Variants in ADGB observed in about 807,000 individuals in gnomAD.
The protein encoded by ADGB is androglobin, also known as calpain-7-like protein.
In ADGB, 172 loss-of-function variants were observed where a neutral mutation model predicts 210.5. The observed-to-expected ratio is 0.82, with a 90% CI of 0.72 to 0.93. ADGB has a LOEUF of 0.93. Among genes scored for constraint, ADGB ranks in the 40% least tolerant of loss-of-function variants. ADGB has a pLI of 0.00. For missense variants in ADGB, 2,025 were observed against 1,964.8 expected, an observed-to-expected ratio of 1.03 and a Z score of -0.58; for synonymous variants, 658 against 662.7, an observed-to-expected ratio of 0.99 and a Z score of 0.11.
intron 13 of ADGB, among the ~76,000 whole-genome samples, chr6:146,703,855 G>T (rs939009680): frequency 1.5e-5 from 2 of 133,566 alleles, no homozygotes; most frequent in Non-Finnish European, 3.4e-5. Flanking sequence ...TCACATGATT[G>T]CCCTATTTTT....
intron 32 of ADGB, among the ~76,000 whole-genome samples, chr6:146,787,260 G>T (rs1404630757): frequency 2.6e-5 from 4 of 152,110 alleles, no homozygotes; most frequent in African/African-American, 9.7e-5. Flanking sequence ...AGTGGCCACT[G>T]CTTAGATCAA....
intron 4 of ADGB, among the ~76,000 whole-genome samples, chr6:146,654,957 C>T (rs531414658): frequency 3.9e-5 from 6 of 152,128 alleles, no homozygotes; most frequent in Non-Finnish European, 7.4e-5. Flanking sequence ...CAACATCGCC[C>T]CATATCCCCC....
chr6:146,790,481 T>C (rs1777938844), intron 33 of ADGB, among the ~76,000 whole-genome samples: 2 of 152,220 alleles, frequency 1.3e-5, no homozygotes, highest in South Asian at 4.1e-4. Context: ...CTTAGCATCT[T>C]GTCCTCCAGG....
chr6:146,654,040 G>C, intron 3 of ADGB, 95 bp from the exon 4 acceptor site: 1 of 762,206 alleles, frequency 1.3e-6, no homozygotes, highest in Non-Finnish European at 2.0e-6. Flanking sequence ...TCAAAAAATT[G>C]CAACTTCAGG....
At chr6:146,692,991 C>A (rs750765921) in intron 12 of ADGB, 76 bp downstream of exon 12, 71 of 749,762 alleles carry the variant, frequency 9.5e-5, no homozygotes, top group Non-Finnish European at 1.4e-4. Context: ...AAAGATAACA[C>A]CAAATGGGAG....
chr6:146,766,463 A>T (rs1229037602), intron 28 of ADGB, among the ~76,000 whole-genome samples: 1 of 151,340 alleles, frequency 6.6e-6, no homozygotes, highest in Non-Finnish European at 1.5e-5. Context: ...ATTAAATTAA[A>T]TTAAATTAAA....
chr6:146,625,652 C>G (rs947088324), intron 1 of ADGB, among the ~76,000 whole-genome samples: 4 of 152,074 alleles, frequency 2.6e-5, no homozygotes, highest in African/African-American at 9.7e-5. Flanking sequence ...TTCTCACTCC[C>G]TCTCTTGCCA....
chr6:146,801,758 A>T (rs1331260770), intron 34 of ADGB, 70 bp from the exon 35 acceptor site: 2 of 1,288,320 alleles, frequency 1.6e-6, no homozygotes, highest in African/African-American at 3.1e-5. Flanking sequence ...AAATTATTTG[A>T]TGTCTAAAGT....
chr6:146,614,600 A>G (rs563854400), intron 1 of ADGB, among the ~76,000 whole-genome samples: 11 of 152,114 alleles, frequency 7.2e-5, no homozygotes, highest in Non-Finnish European at 1.5e-4. Context: ...GTACATATTT[A>G]TAGGGTAATG....
chr6:146,742,286 TTATTA>T (rs1184682255), intron 25 of ADGB, among the ~76,000 whole-genome samples: 4 of 151,950 alleles, frequency 2.6e-5, no homozygotes, highest in South Asian at 4.2e-4. Context: ...TTTTACCATT[TTATTA>T]TAATTAGAAG....
intron 5 of ADGB, among the ~76,000 whole-genome samples, chr6:146,657,730 C>G (rs1775804875): frequency 6.6e-6 from 1 of 152,190 alleles, no homozygotes; most frequent in Non-Finnish European, 1.5e-5. Flanking sequence ...CAGTCCTCTT[C>G]TGGCTTTTGC....
intron 1 of ADGB, among the ~76,000 whole-genome samples, chr6:146,620,123 A>G (rs544541365): frequency 6.6e-6 from 1 of 152,234 alleles, no homozygotes; most frequent in South Asian, 2.1e-4. Context: ...TGCGGGATTT[A>G]TGCTGAGAAG....
intron 16 of ADGB, among the ~76,000 whole-genome samples, 160 bp from the exon 17 acceptor site, chr6:146,721,243 T>A (rs1776808176): frequency 6.6e-6 from 1 of 152,194 alleles, no homozygotes; most frequent in South Asian, 2.1e-4. Context: ...CCCAGTATAG[T>A]TTTCTTCATA....
rs11965089 is a variant in ADGB at position 146,666,326 on chromosome 6, C to T, written c.753-490C>T. Among the ~76,000 whole-genome samples the T allele has an allele frequency of 5.8e-3, 876 of 152,128 alleles. 6 individuals are homozygous for T. Among genetic ancestry groups the T allele is most frequent in the African/African-American group, 0.02 (848 of 41,536 alleles). On this transcript the variant is annotated intron_variant, in intron 6 of 35. Coordinates refer to ENST00000397944, the MANE Select transcript of ADGB (RefSeq NM_024694.4). ...AAGCTGACAGATCCACTCTTCTGTA[C>T]AGGACAGAACAGATGTTTCTGGTTT... is the stretch of plus-strand genomic sequence containing the variant.
intron 35 of ADGB, chr6:146,807,475 A>T: frequency 6.4e-7 from 1 of 1,551,708 alleles, no homozygotes; most frequent in Non-Finnish European, 8.7e-7. Flanking sequence ...CTGGAAGCTG[A>T]GCACCTAAAG....
intron 1 of ADGB, among the ~76,000 whole-genome samples, chr6:146,627,643 T>C (rs1780996609): frequency 6.6e-6 from 1 of 152,110 alleles, no homozygotes. Context: ...TCTCAGGTAC[T>C]TTTTTTCCCC....
chr6:146,622,400 G>T (rs1222943544), intron 1 of ADGB, among the ~76,000 whole-genome samples: 2 of 151,328 alleles, frequency 1.3e-5, no homozygotes, highest in Non-Finnish European at 3.0e-5. Flanking sequence ...TTTATGACAA[G>T]ATCAGATCCA....
At position 146,635,512 on chromosome 6, in the gene ADGB, A is replaced by T; in HGVS notation, c.212A>T (p.Asp71Val). The change falls in exon 2 of 36, where the codon GAC (aspartate) becomes GTC (valine). Residue 71 changes from aspartate (D) to valine (V), a missense_variant. Transcript: ENST00000397944. The part of the protein sequence containing the change: ...WDAGKGAKEK[D>V]KTGKSPVFHF... ...GCAGGCAAAGGTGCAAAAGAAAAGG[A>T]CAAAACAGGAAAAAGCCCTGTATTT... is the stretch of plus-strand genomic sequence containing the variant. The T allele has an allele frequency of 6.5e-7, 1 of 1,545,016 alleles. No homozygotes were observed. Among genetic ancestry groups the T allele is most frequent in the Non-Finnish European group, 8.7e-7 (1 of 1,143,880 alleles).
chr6:146,703,293 A>G (rs1329145366), intron 13 of ADGB, among the ~76,000 whole-genome samples: 2 of 151,936 alleles, frequency 1.3e-5, no homozygotes, highest in African/African-American at 4.8e-5. Flanking sequence ...AGTGTAAAAC[A>G]TGATGTTTTG....
Sources: gnomAD v4.1 joint callset for allele counts (sites outside exome capture counted in the v4.1 genomes callset) on GRCh38, gnomAD v4.1.1 for gene constraint, MANE v1.5 for transcripts, NCBI Gene and HGNC (gene_info 2026-07-23, HGNC 2026-07-21) for gene names.